NSUN3: variants seen among roughly 807,000 people sequenced by gnomAD.
NSUN3 encodes the protein NOP2/Sun RNA methyltransferase 3.
A neutral mutation model predicts 36.8 loss-of-function variants in NSUN3; 24 were observed. The ratio of observed to expected loss-of-function variants is 0.65; its 90% CI spans 0.47 to 0.92. The LOEUF is 0.92. Among genes scored for constraint, NSUN3 ranks in the 40% least tolerant of loss-of-function variants. The pLI is 0.00. For synonymous variants in NSUN3, 146 were observed against 145.2 expected, an observed-to-expected ratio of 1.01 and a Z score of -0.04; for missense variants, 381 against 392.8, an observed-to-expected ratio of 0.97 and a Z score of 0.25.
At chr3:94,072,407 G>C (rs944624053) in intron 2 of NSUN3, among the ~76,000 whole-genome samples, 1 of 152,188 alleles carries the variant, frequency 6.6e-6, no homozygotes, top group Non-Finnish European at 1.5e-5. Flanking sequence ...CTCTCTCAAG[G>C]TTGTTGTGAT....
intron 2 of NSUN3, among the ~76,000 whole-genome samples, chr3:94,066,450 A>G (rs2077204524): frequency 6.6e-6 from 1 of 152,222 alleles, no homozygotes; most frequent in African/African-American, 2.4e-5. Flanking sequence ...CTTCCAGGGA[A>G]AGTCAAGTGC....
In NSUN3 at chr3:94,065,613, G is replaced by A. The variant is rs185928335; in HGVS notation, c.122+1067G>A. On this transcript the variant is annotated intron_variant, in intron 2 of 5. Coordinates refer to ENST00000314622, the MANE Select transcript of NSUN3 (RefSeq NM_022072.5). ...CATTTTCTAAAACAAATTAAGTTTT[G>A]GCTAATAAAGATCACAAAGTCTGAG... is the stretch of plus-strand genomic sequence containing the variant. Among the ~76,000 whole-genome samples the A allele has an allele frequency of 1.6e-4, 24 of 152,174 alleles. No homozygotes were observed. The East Asian group carries it at 4.6e-3, about 29-fold the overall frequency.
At chr3:94,076,526 T>C (rs1022941258) in intron 2 of NSUN3, 22 of 792,412 alleles carry the variant, frequency 2.8e-5, no homozygotes, top group Non-Finnish European at 5.1e-5. Flanking sequence ...GGTCTTTGCA[T>C]CCACCACATT....
intron 5 of NSUN3, among the ~76,000 whole-genome samples, chr3:94,118,443 T>C (rs1203017915): frequency 6.6e-6 from 1 of 152,196 alleles, no homozygotes; most frequent in Non-Finnish European, 1.5e-5. Context: ...ATTAGAAAGT[T>C]TACTGTTATC....
At chr3:94,120,078 T>G (rs2077455099) in intron 5 of NSUN3, among the ~76,000 whole-genome samples, 1 of 152,246 alleles carries the variant, frequency 6.6e-6, no homozygotes, top group Non-Finnish European at 1.5e-5. Context: ...ATTATGAGGC[T>G]TCTATGTACT....
intron 2 of NSUN3, among the ~76,000 whole-genome samples, chr3:94,079,957 G>T (rs964278807): frequency 1.3e-5 from 2 of 152,034 alleles, no homozygotes; most frequent in Admixed American, 6.6e-5. Flanking sequence ...TCTCCATCCA[G>T]TTTTGTTCCC....
intron 1 of NSUN3, chr3:94,063,402 G>A: frequency 2.0e-6 from 1 of 501,140 alleles, no homozygotes; most frequent in East Asian, 2.9e-5. Context: ...GTGTCACAGC[G>A]GTATCCCGGG....
intron 5 of NSUN3, among the ~76,000 whole-genome samples, chr3:94,111,662 G>C (rs535014308): frequency 1.3e-5 from 2 of 152,068 alleles, no homozygotes; most frequent in African/African-American, 4.8e-5. Context: ...CCTGCACAGG[G>C]TCAAGATCAT....
rs750557588 is a variant in NSUN3 at position 94,063,120 on chromosome 3, C to G, written c.-7C>G. The G allele has an allele frequency of 6.2e-7, 1 of 1,613,944 alleles. No homozygotes were observed. Among genetic ancestry groups the G allele is most frequent in the Non-Finnish European group, 8.5e-7 (1 of 1,179,930 alleles). ...ACACCTGTTGTTTGAAAGCTCTCAGCGGGACAATGCTGACCCAGGTGAGAC... is the reference window on the plus strand; with the variant it reads ...ACACCTGTTGTTTGAAAGCTCTCAGGGGGACAATGCTGACCCAGGTGAGAC... On this transcript the variant is annotated 5_prime_UTR_variant, in exon 1 of 6. Coordinates refer to ENST00000314622, the MANE Select transcript of NSUN3 (RefSeq NM_022072.5).
chr3:94,089,431 G>C (rs111583622), intron 3 of NSUN3, among the ~76,000 whole-genome samples: 10 of 152,286 alleles, frequency 6.6e-5, no homozygotes, highest in African/African-American at 2.4e-4. Context: ...AAAAACATTT[G>C]AAATTGGTAA....
intron 2 of NSUN3, among the ~76,000 whole-genome samples, chr3:94,079,715 A>G (rs1022430676): frequency 1.3e-5 from 2 of 151,894 alleles, no homozygotes; most frequent in Admixed American, 6.6e-5. Flanking sequence ...TGCTTGATCG[A>G]TTCAGCTATT....
At chr3:94,118,755 A>G (rs1187241052) in intron 5 of NSUN3, among the ~76,000 whole-genome samples, 1 of 151,890 alleles carries the variant, frequency 6.6e-6, no homozygotes, top group African/African-American at 2.4e-5. Flanking sequence ...AGAGAACCCA[A>G]CCTGTCTTTT....
In NSUN3 at chr3:94,127,502, G is replaced by A. The variant is rs1485221721; in HGVS notation, c.*1012G>A. The A allele has an allele frequency of 1.3e-5, 2 of 152,146 alleles. No homozygotes were observed. The highest frequency in any genetic ancestry group is 2.9e-5 in the Non-Finnish European group (2 of 68,018). 9.4% of individuals were successfully genotyped at this position (152,146 alleles called of 1,614,324 possible). ...TGCCATTTACTAAGTGGCTCTCCATGTTTACATAAATCCTGGGAATACTGT... is the reference window on the plus strand; with the variant it reads ...TGCCATTTACTAAGTGGCTCTCCATATTTACATAAATCCTGGGAATACTGT... On this transcript the variant is annotated 3_prime_UTR_variant, in exon 6 of 6. Coordinates refer to ENST00000314622, the MANE Select transcript of NSUN3 (RefSeq NM_022072.5).
At chr3:94,083,579 A>T (rs2077279974) in intron 2 of NSUN3, among the ~76,000 whole-genome samples, 1 of 152,218 alleles carries the variant, frequency 6.6e-6, no homozygotes, top group Admixed American at 6.5e-5. Context: ...GCAACCAGAG[A>T]CTAAAGTGAA....
Position 94,096,609 on chromosome 3 carries a change from ATG to A in NSUN3, c.743+1456_743+1457del, listed in dbSNP as rs553409259. On this transcript the variant is annotated intron_variant, in intron 5 of 5. Coordinates refer to ENST00000314622, the MANE Select transcript of NSUN3 (RefSeq NM_022072.5). ...TACCTCCTGGGTTCAAGCGATTCTC[ATG>A]CCTCAGCCCCCCAAGTGGCTGGGAT... is the stretch of plus-strand genomic sequence containing the variant. 8.3e-3 allele frequency among the ~76,000 whole-genome samples: 1,266 copies of A among 152,108 alleles called. 13 individuals carry two copies. The highest frequency in any genetic ancestry group is 0.015 in the Non-Finnish European group (1,000 of 67,958).
intron 5 of NSUN3, among the ~76,000 whole-genome samples, chr3:94,116,710 G>A (rs2077441390): frequency 6.6e-6 from 1 of 152,070 alleles, no homozygotes; most frequent in Admixed American, 6.6e-5. Context: ...AATTCATTTG[G>A]ATCTAAAATA....
chr3:94,093,742 A>C (rs2077325925), intron 3 of NSUN3, among the ~76,000 whole-genome samples: 1 of 152,202 alleles, frequency 6.6e-6, no homozygotes. Flanking sequence ...CTTGCACCTG[A>C]ATTACCACCT....
At chr3:94,114,055 C>T (rs910069228) in intron 5 of NSUN3, among the ~76,000 whole-genome samples, 1 of 152,192 alleles carries the variant, frequency 6.6e-6, no homozygotes, top group Admixed American at 6.5e-5. Flanking sequence ...GTAAGATTCT[C>T]AGGTCATTGC....
intron 2 of NSUN3, among the ~76,000 whole-genome samples, chr3:94,065,231 G>A (rs1032917716): frequency 6.6e-6 from 1 of 152,130 alleles, no homozygotes; most frequent in Admixed American, 6.5e-5. Flanking sequence ...AGTGTTAATG[G>A]GAGAAGTGAG....
Sources: allele counts gnomAD v4.1 joint callset (sites outside exome capture counted in the v4.1 genomes callset), GRCh38; gene constraint gnomAD v4.1.1; transcripts MANE v1.5; gene names NCBI Gene and HGNC (gene_info 2026-07-23, HGNC 2026-07-21).